EPB41L5: variants seen among roughly 807,000 people sequenced by gnomAD.
EPB41L5 encodes erythrocyte membrane protein band 4.1 like 5.
EPB41L5 carries 55 observed loss-of-function variants against 106.6 expected under a neutral mutation model. That is an observed-to-expected ratio of 0.52 (90% CI 0.42 to 0.65). The LOEUF is 0.65. Ranked by LOEUF, EPB41L5 falls within the 30% of genes least tolerant of loss-of-function variation. The probability of loss-of-function intolerance (pLI) is 0.00; values close to 1 mark genes in which losing one functional copy is unlikely to be tolerated. For synonymous variants in EPB41L5, 297 were observed against 306.7 expected, an observed-to-expected ratio of 0.97 and a Z score of 0.33; for missense variants, 871 against 882.1, an observed-to-expected ratio of 0.99 and a Z score of 0.16.
chr2:120,036,290 T>G lies in EPB41L5; in HGVS notation c.181-5716T>G, dbSNP rs1274249963. On this transcript the variant is annotated intron_variant, in intron 2 of 24. Coordinates refer to ENST00000263713, the MANE Select transcript of EPB41L5 (RefSeq NM_020909.4). ...GCTACTTTCATCTGTGGACAAAGAA[T>G]GAATTATTAACCTGAGGGAGTTGTT... is the stretch of plus-strand genomic sequence containing the variant. Among the ~76,000 whole-genome samples, 16 of 152,214 alleles carry G rather than the reference T, an allele frequency of 1.1e-4. 1 individual carries two copies. Among genetic ancestry groups the G allele is most frequent in the Admixed American group, 1.0e-3 (16 of 15,282 alleles).
chr2:120,106,755 T>G, intron 16 of EPB41L5: 1 of 985,432 alleles, frequency 1.0e-6, no homozygotes, highest in Non-Finnish European at 1.2e-6. Context: ...CTTTCACGCA[T>G]GAACATAAAT....
intron 16 of EPB41L5, among the ~76,000 whole-genome samples, chr2:120,121,348 C>A (rs1382111104): frequency 6.6e-6 from 1 of 152,102 alleles, no homozygotes; most frequent in Non-Finnish European, 1.5e-5. Context: ...TGCTATCCCT[C>A]CCCCACTCCC....
chr2:120,090,855 T>TG, intron 12 of EPB41L5, among the ~76,000 whole-genome samples: 1 of 152,320 alleles, frequency 6.6e-6, no homozygotes, highest in East Asian at 1.9e-4. Context: ...TTGCACTGAA[T>TG]GGGATATTAG....
chr2:120,114,124 C>T (rs1211608857), intron 16 of EPB41L5, among the ~76,000 whole-genome samples: 1 of 152,106 alleles, frequency 6.6e-6, no homozygotes, highest in East Asian at 1.9e-4. Flanking sequence ...ACATCTTCAC[C>T]AACACTTACT....
At chr2:120,076,273 T>C (rs1396555798) in intron 7 of EPB41L5, among the ~76,000 whole-genome samples, 1 of 152,072 alleles carries the variant, frequency 6.6e-6, no homozygotes, top group African/African-American at 2.4e-5. Context: ...TTTAGATTGG[T>C]ATATGGGGTC....
chr2:120,080,537 T>C (rs1387946243), intron 10 of EPB41L5, among the ~76,000 whole-genome samples: 1 of 152,216 alleles, frequency 6.6e-6, no homozygotes, highest in African/African-American at 2.4e-5. Flanking sequence ...TTCCAAGTCT[T>C]TGCTATTGTG....
At chr2:120,098,889 T>G (rs1282932484) in intron 14 of EPB41L5, among the ~76,000 whole-genome samples, 1 of 152,246 alleles carries the variant, frequency 6.6e-6, no homozygotes, top group Non-Finnish European at 1.5e-5. Flanking sequence ...AGGTTGTGTT[T>G]GAGAGCTTTG....
chr2:120,049,229 G>A (rs996134214), intron 3 of EPB41L5, among the ~76,000 whole-genome samples: 3 of 152,122 alleles, frequency 2.0e-5, no homozygotes, highest in African/African-American at 7.2e-5. Context: ...TTAACTTTCT[G>A]TCTTGTTGAT....
At chr2:120,092,928 G>A (rs1225911537) in intron 13 of EPB41L5, among the ~76,000 whole-genome samples, 1 of 152,296 alleles carries the variant, frequency 6.6e-6, no homozygotes, top group East Asian at 1.9e-4. Context: ...AAACACTTTG[G>A]TGAATTGAAG....
intron 16 of EPB41L5, chr2:120,105,246 G>A (rs1214649392): frequency 2.0e-6 from 2 of 982,740 alleles, no homozygotes; most frequent in African/African-American, 1.7e-5. Context: ...GTTAAGGGAA[G>A]CATTTCTTCT....
chr2:120,014,804 AG>A (rs1057215042), intron 1 of EPB41L5, among the ~76,000 whole-genome samples: 2 of 152,126 alleles, frequency 1.3e-5, no homozygotes, highest in Non-Finnish European at 2.9e-5. Flanking sequence ...CAGATGGGTC[AG>A]GCAAGTAGGA....
Position 120,014,705 on chromosome 2 carries a change from A to G in EPB41L5, c.-9+1495A>G, listed in dbSNP as rs575051989. Among the ~76,000 whole-genome samples the G allele has an allele frequency of 3.9e-5, 6 of 152,268 alleles. No individual in the cohort carries two copies. In the East Asian group the frequency reaches 1.2e-3, roughly 29 times the overall value. ...AAAGAGCAATCCAGAAAGGTGGAAC[A>G]GCTAATGAAAAATGGTCCAGAATTA... On this transcript the variant is annotated intron_variant, in intron 1 of 24. Transcript: ENST00000263713.
intron 14 of EPB41L5, among the ~76,000 whole-genome samples, chr2:120,094,522 G>T (rs1171727690): frequency 1.4e-5 from 2 of 140,488 alleles, no homozygotes; most frequent in African/African-American, 5.3e-5. Flanking sequence ...TGTCAATTTT[G>T]TTGACGTTTT....
chr2:120,148,766 C>T (rs1425997975), intron 20 of EPB41L5, among the ~76,000 whole-genome samples: 1 of 152,110 alleles, frequency 6.6e-6, no homozygotes, highest in Non-Finnish European at 1.5e-5. Context: ...AGTTGATGGA[C>T]ATTTGAATTG....
chr2:120,038,091 C>T (rs763801034), intron 2 of EPB41L5, among the ~76,000 whole-genome samples: 22 of 152,154 alleles, frequency 1.4e-4, no homozygotes, highest in Non-Finnish European at 2.9e-5. Flanking sequence ...AAAAAGACAA[C>T]CCACAGAATG....
rs1687993297 is a variant in EPB41L5 at position 120,178,463 on chromosome 2, TTG to T, written c.*3559_*3560del. The T allele has an allele frequency of 6.6e-6, 1 of 152,210 alleles. No homozygotes were observed. The highest frequency in any genetic ancestry group is 2.4e-5 in the African/African-American group (1 of 41,444). 9.4% of individuals were successfully genotyped at this position (152,210 alleles called of 1,614,324 possible). On this transcript the variant is annotated 3_prime_UTR_variant, in exon 25 of 25. Transcript: ENST00000263713. Reference sequence around the variant, plus strand: ...GTGGGTGTCTCAGCTCTGAGGGTCTTTGTGAGTTCCCACCAACTTTTAATTAT... The same window carrying T: ...GTGGGTGTCTCAGCTCTGAGGGTCTTTGAGTTCCCACCAACTTTTAATTAT...
At chr2:120,021,213 G>A (rs1427731325) in intron 2 of EPB41L5, among the ~76,000 whole-genome samples, 2 of 152,050 alleles carry the variant, frequency 1.3e-5, no homozygotes, top group East Asian at 1.9e-4. Context: ...GGTGGCATGC[G>A]CCTGTAGTCC....
chr2:120,100,835 A>G (rs774436555), intron 16 of EPB41L5, 21 bp downstream of exon 16: 1 of 1,445,374 alleles, frequency 6.9e-7, no homozygotes, highest in African/African-American at 1.4e-5. Context: ...TCCTTAAACT[A>G]AAATAAAATA....
At chr2:120,117,959 A>G (rs1344097300) in intron 16 of EPB41L5, among the ~76,000 whole-genome samples, 1 of 152,146 alleles carries the variant, frequency 6.6e-6, no homozygotes, top group East Asian at 1.9e-4. Context: ...CTGCAAAAAT[A>G]TATTTTCAGT....
Sources: gnomAD v4.1 joint callset for allele counts (sites outside exome capture counted in the v4.1 genomes callset) on GRCh38, gnomAD v4.1.1 for gene constraint, MANE v1.5 for transcripts, NCBI Gene and HGNC (gene_info 2026-07-23, HGNC 2026-07-21) for gene names.